Variants in SLC6A15 observed in about 807,000 individuals in gnomAD.
SLC6A15 encodes sodium-dependent neutral amino acid transporter B(0)AT2.
A neutral mutation model predicts 68.5 loss-of-function variants in SLC6A15; 33 were observed. The observed-to-expected ratio is 0.48, with a 90% CI of 0.37 to 0.64. The LOEUF is 0.64. Ranked by LOEUF, SLC6A15 falls within the 30% of genes least tolerant of loss-of-function variation. The pLI is 0.00. For missense variants in SLC6A15, 747 were observed against 874.3 expected (o/e 0.85, Z 1.84); for synonymous variants, 347 against 301.0 (o/e 1.15, Z -1.58).
chr12:84,883,245 T>C, intron 5 of SLC6A15: 2 of 985,292 alleles, frequency 2.0e-6, no homozygotes, highest in South Asian at 9.4e-5. Flanking sequence ...ACAAGCTACC[T>C]AGAATTCACT....
intron 10 of SLC6A15, 50 bp from the exon 11 acceptor site, chr12:84,863,651 C>A: frequency 2.2e-6 from 3 of 1,342,322 alleles, no homozygotes; most frequent in Admixed American, 2.8e-5. Flanking sequence ...TATTGCTAAA[C>A]CTTAAAAAAT....
At chr12:84,888,111 C>A (rs942703739) in intron 2 of SLC6A15, among the ~76,000 whole-genome samples, 55 of 145,226 alleles carry the variant, frequency 3.8e-4, no homozygotes, top group Non-Finnish European at 6.4e-4. Flanking sequence ...AAAAAAAAAA[C>A]AGCTGAGCGT....
At chr12:84,907,576 G>GA (rs1278318434) in intron 1 of SLC6A15, among the ~76,000 whole-genome samples, 2 of 152,100 alleles carry the variant, frequency 1.3e-5, no homozygotes, top group Admixed American at 1.3e-4. Flanking sequence ...AGGATGCAGA[G>GA]AAAATGGATC....
intron 1 of SLC6A15, among the ~76,000 whole-genome samples, chr12:84,905,705 A>C (rs1235108267): frequency 6.6e-6 from 1 of 152,214 alleles, no homozygotes; most frequent in Non-Finnish European, 1.5e-5. Context: ...TCACATCTGC[A>C]TTTGGTTGAA....
intron 5 of SLC6A15, chr12:84,881,914 C>T (rs760861789): frequency 5.1e-4 from 503 of 985,300 alleles, no homozygotes; most frequent in Middle Eastern, 1.0e-3. Context: ...TTCTCCCCAT[C>T]AGTGCCTGTT....
chr12:84,870,726 C>G (rs1871251987), intron 8 of SLC6A15, 56 bp from the exon 9 acceptor site: 1 of 1,092,486 alleles, frequency 9.2e-7, no homozygotes, highest in Non-Finnish European at 1.3e-6. Flanking sequence ...AACAATGGCT[C>G]TATATGTCAG....
At chr12:84,901,377 A>C (rs1427262751) in intron 1 of SLC6A15, among the ~76,000 whole-genome samples, 1 of 151,692 alleles carries the variant, frequency 6.6e-6, no homozygotes, top group Non-Finnish European at 1.5e-5. Flanking sequence ...TAAGGTGCCA[A>C]ACTCATTGCC....
chr12:84,905,422 C>T (rs1160126603), intron 1 of SLC6A15, among the ~76,000 whole-genome samples: 3 of 152,080 alleles, frequency 2.0e-5, no homozygotes, highest in Non-Finnish European at 4.4e-5. Flanking sequence ...TCAACAGCAT[C>T]TACAAAAAAT....
In SLC6A15 at chr12:84,873,092, A is replaced by C; in HGVS notation, c.1104T>G (p.Ile368Met). ...FKANVINEKC[I>M]TQNSETIMKF... Reference sequence around the variant, plus strand: ...ATGGAAATTAATATTCATACTGTGTAATGCATTTCTCATTTATGACATTTG... The same window carrying C: ...ATGGAAATTAATATTCATACTGTGTCATGCATTTCTCATTTATGACATTTG... Residue 368 changes from isoleucine (I) to methionine (M), a missense_variant, in exon 7 of 12, where the codon ATT becomes ATG. Coordinates refer to ENST00000266682, the MANE Select transcript of SLC6A15 (RefSeq NM_182767.6). 1.2e-6 allele frequency: 2 copies of C among 1,614,074 alleles called. No individual in the cohort carries two copies. Among genetic ancestry groups the C allele is most frequent in the Non-Finnish European group, 1.7e-6 (2 of 1,179,980 alleles).
rs544135452 is a variant in SLC6A15 at position 84,899,277 on chromosome 12, A to G, written c.-188-6969T>C. Among the ~76,000 whole-genome samples, 23 of 152,276 alleles carry G rather than the reference A, an allele frequency of 1.5e-4. No homozygotes were observed. The East Asian group carries it at 3.9e-3, about 26-fold the overall frequency. On this transcript the variant is annotated intron_variant, in intron 1 of 11. Transcript: ENST00000266682. ...GAGTAGAGATAAACCTTACTTTTTGATGGAAGGGACAAAAAACCCTACTGC... is the reference window on the plus strand; with the variant it reads ...GAGTAGAGATAAACCTTACTTTTTGGTGGAAGGGACAAAAAACCCTACTGC...
rs780456444 is a variant in SLC6A15, at chr12:84,884,053, A to T, written c.575-13T>A. On this transcript the variant is annotated splice_polypyrimidine_tract_variant and intron_variant, in intron 4 of 11. Coordinates refer to ENST00000266682, the MANE Select transcript of SLC6A15 (RefSeq NM_182767.6). ...TCTGGTTCTACAACTGTAGAAAGAAAAGTAACACACAATTATTTCAGAATA... is the reference window on the plus strand; with the variant it reads ...TCTGGTTCTACAACTGTAGAAAGAATAGTAACACACAATTATTTCAGAATA... 1.3e-6 allele frequency: 2 copies of T among 1,595,770 alleles called. No homozygotes were observed. Among genetic ancestry groups the T allele is most frequent in the African/African-American group, 2.7e-5 (2 of 74,464 alleles).
At chr12:84,874,877 A>T (rs1212159911) in intron 6 of SLC6A15, among the ~76,000 whole-genome samples, 1 of 152,186 alleles carries the variant, frequency 6.6e-6, no homozygotes, top group African/African-American at 2.4e-5. Flanking sequence ...TAAAATTTTT[A>T]AAAATTACAA....
intron 1 of SLC6A15, among the ~76,000 whole-genome samples, chr12:84,905,974 A>T (rs1262857251): frequency 6.6e-6 from 1 of 152,136 alleles, no homozygotes; most frequent in Non-Finnish European, 1.5e-5. Context: ...TTTTTTGGTC[A>T]TTTCAAGAAT....
intron 5 of SLC6A15, chr12:84,882,496 G>C (rs1173475217): frequency 1.1e-6 from 1 of 912,544 alleles, no homozygotes; most frequent in African/African-American, 1.8e-5. Flanking sequence ...AAGTTAAAAA[G>C]TCACTAAAAT....
rs1253341099 is a variant in SLC6A15 at position 84,861,093 on chromosome 12, C to T, written c.*539G>A. On this transcript the variant is annotated 3_prime_UTR_variant, in exon 12 of 12. Transcript: ENST00000266682. ...TTGCTATTGCTCTATACAGCTATTACATAAGAAAATATTTTGCAGTTTTCT... is the reference window on the plus strand; with the variant it reads ...TTGCTATTGCTCTATACAGCTATTATATAAGAAAATATTTTGCAGTTTTCT... 6.6e-6 allele frequency: 1 copy of T among 152,372 alleles called. No individual in the cohort carries two copies. The highest frequency in any genetic ancestry group is 1.5e-5 in the Non-Finnish European group (1 of 68,202). 9.4% of individuals were successfully genotyped at this position (152,372 alleles called of 1,614,324 possible).
Position 84,860,753 on chromosome 12 carries a change from A to G in SLC6A15, c.*879T>C, listed in dbSNP as rs1870812412. On this transcript the variant is annotated 3_prime_UTR_variant, in exon 12 of 12. Coordinates refer to ENST00000266682, the MANE Select transcript of SLC6A15 (RefSeq NM_182767.6). ...TTTGCATAAAACAGAAGCAAAACAGAAATATATTAATTAAAATGCCATCTT... is the reference window on the plus strand; with the variant it reads ...TTTGCATAAAACAGAAGCAAAACAGGAATATATTAATTAAAATGCCATCTT... 6.6e-6 allele frequency: 1 copy of G among 152,170 alleles called. No individual in the cohort carries two copies. The highest frequency in any genetic ancestry group is 6.6e-5 in the Admixed American group (1 of 15,262). 9.4% of individuals were successfully genotyped at this position (152,170 alleles called of 1,614,324 possible).
intron 1 of SLC6A15, among the ~76,000 whole-genome samples, chr12:84,897,709 A>G (rs1020307201): frequency 3.6e-4 from 55 of 152,260 alleles, no homozygotes; most frequent in Non-Finnish European, 4.6e-4. Flanking sequence ...TTGTATTCCG[A>G]TTATAAAAGC....
At chr12:84,898,216 C>T (rs949931149) in intron 1 of SLC6A15, among the ~76,000 whole-genome samples, 1 of 152,124 alleles carries the variant, frequency 6.6e-6, no homozygotes, top group African/African-American at 2.4e-5. Flanking sequence ...TGGCATGCAC[C>T]TTTAGTCCCA....
At chr12:84,878,968 T>A (rs1448894641) in intron 5 of SLC6A15, among the ~76,000 whole-genome samples, 1 of 151,944 alleles carries the variant, frequency 6.6e-6, no homozygotes, top group Non-Finnish European at 1.5e-5. Context: ...GCCAGAGCGA[T>A]CTTTCTAGAA....
Sources: allele counts gnomAD v4.1 joint callset (sites outside exome capture counted in the v4.1 genomes callset), GRCh38; gene constraint gnomAD v4.1.1; transcripts MANE v1.5; gene names NCBI Gene and HGNC (gene_info 2026-07-23, HGNC 2026-07-21).